The following NME9 variants were observed in gnomAD, a reference collection of about 807,000 sequenced individuals.
NME9 encodes the protein NME/NM23 family member 9.
NME9 carries 48 observed loss-of-function variants against 44.4 expected under a neutral mutation model. The observed-to-expected ratio is 1.08, with a 90% CI of 0.86 to 1.37. The LOEUF (loss-of-function observed/expected upper bound fraction) is 1.37. Among genes scored for constraint, NME9 ranks in the 40% most tolerant of loss-of-function variants. The probability of loss-of-function intolerance (pLI) is 0.00; values close to 1 mark genes in which losing one functional copy is unlikely to be tolerated. For synonymous variants in NME9, 139 were observed against 147.1 expected (o/e 0.94, Z 0.40); for missense variants, 325 against 405.2 (o/e 0.80, Z 1.70).
At position 138,301,155 on chromosome 3, in the gene NME9, T is replaced by C. The variant is rs1400619345; in HGVS notation, c.*485A>G. 20 of 947,616 alleles carry C rather than the reference T, an allele frequency of 2.1e-5. No homozygotes were observed. Among genetic ancestry groups the C allele is most frequent in the Non-Finnish European group, 2.4e-5 (19 of 795,858 alleles). 58.7% of individuals were successfully genotyped at this position (947,616 alleles called of 1,614,324 possible). A position where few individuals can be genotyped will look rare whatever the true frequency, so the allele number is the denominator to read the frequency against. On this transcript the variant is annotated 3_prime_UTR_variant, in exon 11 of 11. Coordinates refer to ENST00000333911, the MANE Select transcript of NME9 (RefSeq NM_001349018.2). ...CAGAGAAAAAAAACTGCGTTCTACATACTGTTTAATAAGGCAGAAAAGTAT... is the reference window on the plus strand; with the variant it reads ...CAGAGAAAAAAAACTGCGTTCTACACACTGTTTAATAAGGCAGAAAAGTAT...
intron 8 of NME9, chr3:138,287,820 A>G: frequency 5.4e-6 from 2 of 369,982 alleles, no homozygotes; most frequent in South Asian, 2.1e-5. Context: ...TGCCATTGAT[A>G]CTCTCTCAGA....
chr3:138,277,818 C>T (rs2049450844), intron 8 of NME9, among the ~76,000 whole-genome samples: 1 of 152,168 alleles, frequency 6.6e-6, no homozygotes, highest in Admixed American at 6.5e-5. Context: ...CCTAAGTTCA[C>T]ACACATTCAT....
chr3:138,266,238 T>A (rs961104017), intron 8 of NME9, among the ~76,000 whole-genome samples: 7 of 152,208 alleles, frequency 4.6e-5, no homozygotes, highest in Admixed American at 6.5e-5. Flanking sequence ...TTTTGCTTCC[T>A]GAACCTCATT....
intron 2 of NME9, among the ~76,000 whole-genome samples, chr3:138,323,811 C>T (rs937966268): frequency 8.5e-5 from 13 of 152,090 alleles, no homozygotes; most frequent in African/African-American, 3.1e-4. Flanking sequence ...TAACAGAGCA[C>T]AGAGATATCT....
In NME9 at chr3:138,319,814, G is replaced by T. The variant is rs75737798; in HGVS notation, c.92-233C>A. ...TTCTAAATACAGTATAAGCATAGCA[G>T]AAAATAATTTTCTTAACATGGCTCC... On this transcript the variant is annotated intron_variant, in intron 2 of 10. Coordinates refer to ENST00000333911, the MANE Select transcript of NME9 (RefSeq NM_001349018.2). 7.0e-4 allele frequency among the ~76,000 whole-genome samples: 107 copies of T among 152,332 alleles called. 1 individual carries two copies. The East Asian group carries it at 0.019, about 27-fold the overall frequency.
chr3:138,329,030 T>G (rs1266137270), intron 1 of NME9, among the ~76,000 whole-genome samples: 1 of 152,200 alleles, frequency 6.6e-6, no homozygotes, highest in African/African-American at 2.4e-5. Context: ...TAATGCATGT[T>G]TAGGTTTTAT....
At chr3:138,320,690 G>A (rs557336590) in intron 2 of NME9, among the ~76,000 whole-genome samples, 2 of 152,320 alleles carry the variant, frequency 1.3e-5, no homozygotes, top group Admixed American at 1.3e-4. Flanking sequence ...CCTGCACTGG[G>A]CATTGTAGAG....
chr3:138,267,053 T>G (rs2048351094), intron 8 of NME9: 2 of 670,540 alleles, frequency 3.0e-6, no homozygotes, highest in East Asian at 5.8e-5. Flanking sequence ...AGAATCAGGT[T>G]GAAAGATAAT....
intron 8 of NME9, among the ~76,000 whole-genome samples, chr3:138,266,422 A>G (rs1381717198): frequency 6.6e-6 from 1 of 152,020 alleles, no homozygotes; most frequent in African/African-American, 2.4e-5. Context: ...CAGATTTGAC[A>G]TTTCTGGATT....
intron 8 of NME9, among the ~76,000 whole-genome samples, chr3:138,282,023 AAT>A (rs1442484365): frequency 6.6e-6 from 1 of 152,198 alleles, no homozygotes; most frequent in Non-Finnish European, 1.5e-5. Flanking sequence ...ACAAGAGAGT[AAT>A]AAGCTATGAT....
intron 2 of NME9, among the ~76,000 whole-genome samples, chr3:138,323,405 CAAAA>C (rs1274732842): frequency 6.6e-6 from 1 of 151,274 alleles, no homozygotes; most frequent in Non-Finnish European, 1.5e-5. Flanking sequence ...GACTCCGTCT[CAAAA>C]AAAAGAAGAA....
At chr3:138,286,428 T>G (rs1248596065) in intron 8 of NME9, among the ~76,000 whole-genome samples, 1 of 152,200 alleles carries the variant, frequency 6.6e-6, no homozygotes. Flanking sequence ...TTACCCCACT[T>G]ACAGCAGACT....
At chr3:138,287,770 T>G (rs1187670764) in intron 8 of NME9, 1 of 444,588 alleles carries the variant, frequency 2.2e-6, no homozygotes, top group Non-Finnish European at 4.6e-6. Context: ...CATGAGAAGA[T>G]AAGTCTGTCT....
intron 8 of NME9, among the ~76,000 whole-genome samples, chr3:138,270,543 C>T (rs2048693550): frequency 6.6e-6 from 1 of 152,090 alleles, no homozygotes; most frequent in Admixed American, 6.5e-5. Context: ...TAAACTAAGG[C>T]ACAGAATGAT....
intron 8 of NME9, among the ~76,000 whole-genome samples, chr3:138,286,196 G>A (rs2050394287): frequency 6.6e-6 from 1 of 152,162 alleles, no homozygotes. Flanking sequence ...ACCTGTCTCG[G>A]CCTCCCAAAG....
rs535606225 is a variant in NME9 at position 138,321,265 on chromosome 3, T to C, written c.92-1684A>G. Among the ~76,000 whole-genome samples the C allele has an allele frequency of 2.0e-5, 3 of 152,338 alleles. No individual in the cohort carries two copies. The South Asian group carries it at 6.2e-4, about 32-fold the overall frequency. On this transcript the variant is annotated intron_variant, in intron 2 of 10. Transcript: ENST00000333911. ...GCAGTTTATAATGAACAGAAACTTA[T>C]TTATCACAGTTCTGGAGGCTAGCAA...
At chr3:138,266,065 G>A (rs2048258440) in intron 8 of NME9, among the ~76,000 whole-genome samples, 1 of 152,182 alleles carries the variant, frequency 6.6e-6, no homozygotes, top group African/African-American at 2.4e-5. Flanking sequence ...TATCAGAACA[G>A]TATGTTTCTT....
downstream of NME9, among the ~76,000 whole-genome samples, chr3:138,300,410 TGG>T (rs1560081594): frequency 6.6e-6 from 1 of 152,192 alleles, no homozygotes; most frequent in Non-Finnish European, 1.5e-5. Context: ...CCTCAAGTCA[TGG>T]ACAAAACCAG....
In NME9 at chr3:138,276,153, C is replaced by T. The variant is rs144293580; in HGVS notation, c.746-13567G>A. Among the ~76,000 whole-genome samples, 649 of 152,288 alleles carry T rather than the reference C, an allele frequency of 4.3e-3. 3 individuals are homozygous for T. Among genetic ancestry groups the T allele is most frequent in the African/African-American group, 0.015 (611 of 41,556 alleles). ...TTTGCAGGACACAAAGGAACTTTCT[C>T]ATACAGATTTTGGAAGTGATCTGGA... On this transcript the variant is annotated intron_variant, in intron 8 of 8. Coordinates refer to the NME9 transcript ENST00000317876.
Sources: gnomAD v4.1 joint callset for allele counts (sites outside exome capture counted in the v4.1 genomes callset) on GRCh38, gnomAD v4.1.1 for gene constraint, MANE v1.5 for transcripts, NCBI Gene and HGNC (gene_info 2026-07-23, HGNC 2026-07-21) for gene names.